DYSF: variants seen among roughly 807,000 people sequenced by gnomAD.
DYSF encodes the protein dysferlin, also known as dystrophy-associated fer-1-like 1.
A neutral mutation model predicts 274.9 loss-of-function variants in DYSF; 212 were observed. The ratio of observed to expected loss-of-function variants is 0.77; its 90% CI spans 0.69 to 0.86. The LOEUF is 0.86. Among genes scored for constraint, DYSF ranks in the 40% least tolerant of loss-of-function variants. The pLI is 0.00. For missense variants in DYSF, 2,666 were observed against 2,783.2 expected, an observed-to-expected ratio of 0.96 and a Z score of 0.95; for synonymous variants, 1,091 against 1,078.7, an observed-to-expected ratio of 1.01 and a Z score of -0.22.
chr2:71,660,160 C>G (rs1488895646), intron 44 of DYSF, among the ~76,000 whole-genome samples: 2 of 152,220 alleles, frequency 1.3e-5, no homozygotes, highest in East Asian at 3.9e-4. Flanking sequence ...GGAGACCTCC[C>G]TGGGCTAGCC....
At chr2:71,530,401 C>A (rs1301176565) in intron 14 of DYSF, among the ~76,000 whole-genome samples, 2 of 152,216 alleles carry the variant, frequency 1.3e-5, no homozygotes, top group Non-Finnish European at 2.9e-5. Flanking sequence ...GGGCTCCGGG[C>A]TGCTCCTGGG....
intron 30 of DYSF, among the ~76,000 whole-genome samples, chr2:71,581,440 G>A (rs924080435): frequency 6.6e-6 from 1 of 152,204 alleles, no homozygotes; most frequent in Non-Finnish European, 1.5e-5. Flanking sequence ...CCTGTGTTCC[G>A]TTCTGTCTTT....
chr2:71,508,259 G>A (rs1034595071), intron 4 of DYSF, among the ~76,000 whole-genome samples: 1 of 152,144 alleles, frequency 6.6e-6, no homozygotes, highest in African/African-American at 2.4e-5. Flanking sequence ...TTCTGAACTC[G>A]AGTGTGTGTT....
chr2:71,626,171 C>T (rs1050294743), intron 41 of DYSF, among the ~76,000 whole-genome samples: 1 of 151,810 alleles, frequency 6.6e-6, no homozygotes. Flanking sequence ...GAACCTTCAG[C>T]TGATGTTCTA....
intron 29 of DYSF, among the ~76,000 whole-genome samples, chr2:71,573,772 C>T (rs1007770759): frequency 2.2e-4 from 34 of 152,072 alleles, no homozygotes; most frequent in Admixed American, 2.0e-3. Context: ...TGGTTCTTCC[C>T]GCAGCCCATG....
chr2:71,630,900 G>C (rs1320378859), intron 41 of DYSF, among the ~76,000 whole-genome samples: 1 of 152,164 alleles, frequency 6.6e-6, no homozygotes, highest in African/African-American at 2.4e-5. Flanking sequence ...TCTTTCTCTG[G>C]ATTAATACAT....
intron 1 of DYSF, among the ~76,000 whole-genome samples, chr2:71,477,389 T>C (rs1347212164): frequency 3.3e-5 from 5 of 152,098 alleles, no homozygotes; most frequent in Admixed American, 3.3e-4. Context: ...GGAAAGTTCA[T>C]TGGGGTTCAT....
rs553579278 is a variant in DYSF, at chr2:71,506,780, T to G, written c.345+3461T>G. On this transcript the variant is annotated intron_variant, in intron 4 of 55. Coordinates refer to ENST00000410020, the MANE Select transcript of DYSF (RefSeq NM_001130987.2). The stretch of plus-strand genomic sequence containing the variant: ...AGCCAAAGAACTTCAGTATTCACCA[T>G]CAGATCCTGAAGCCATGGTCCCTGG... Among the ~76,000 whole-genome samples, 7 of 152,158 alleles carry G rather than the reference T, an allele frequency of 4.6e-5. No individual in the cohort carries two copies. The South Asian group carries it at 1.5e-3, about 32-fold the overall frequency.
chr2:71,683,356 G>C (rs970252707), intron 55 of DYSF, among the ~76,000 whole-genome samples: 1 of 152,130 alleles, frequency 6.6e-6, no homozygotes, highest in African/African-American at 2.4e-5. Flanking sequence ...GGCCCTGCCT[G>C]GGGGAGGAAG....
chr2:71,591,590 G>A (rs1156858655), intron 32 of DYSF, among the ~76,000 whole-genome samples: 1 of 152,260 alleles, frequency 6.6e-6, no homozygotes, highest in Non-Finnish European at 1.5e-5. Flanking sequence ...ACTCGGATAG[G>A]TTAACTAAAT....
chr2:71,469,186 C>T (rs2081779285), intron 1 of DYSF, among the ~76,000 whole-genome samples: 1 of 152,094 alleles, frequency 6.6e-6, no homozygotes, highest in African/African-American at 2.4e-5. Flanking sequence ...TTAATGCGCT[C>T]CCCATTGCGG....
chr2:71,682,189 T>A (rs1242246427), intron 54 of DYSF, among the ~76,000 whole-genome samples: 1 of 151,954 alleles, frequency 6.6e-6, no homozygotes, highest in African/African-American at 2.4e-5. Flanking sequence ...ACTGCCCAGC[T>A]CCTAAATCTG....
intron 30 of DYSF, among the ~76,000 whole-genome samples, chr2:71,575,615 G>A (rs902321743): frequency 7.2e-5 from 11 of 152,270 alleles, no homozygotes; most frequent in South Asian, 4.1e-4. Flanking sequence ...TGAGCACTGG[G>A]CAGGGGCTGG....
chr2:71,510,213 T>C (rs2085944334), intron 4 of DYSF, among the ~76,000 whole-genome samples: 1 of 152,186 alleles, frequency 6.6e-6, no homozygotes, highest in Admixed American at 6.5e-5. Context: ...CCAACTTACC[T>C]TTTGCTGAAG....
intron 32 of DYSF, among the ~76,000 whole-genome samples, chr2:71,590,799 A>T (rs571007540): frequency 6.6e-6 from 1 of 152,186 alleles, no homozygotes; most frequent in South Asian, 2.1e-4. Flanking sequence ...GCCATCTGTT[A>T]CCCAGGCTGG....
chr2:71,671,812 A>G (rs1288754067), intron 51 of DYSF, among the ~76,000 whole-genome samples: 1 of 152,162 alleles, frequency 6.6e-6, no homozygotes, highest in Non-Finnish European at 1.5e-5. Flanking sequence ...TCTCTGCATC[A>G]TAGGGCCTGG....
chr2:71,466,524 C>G (rs570242865), upstream of DYSF, among the ~76,000 whole-genome samples: 70 of 152,296 alleles, frequency 4.6e-4, no homozygotes, highest in Non-Finnish European at 8.2e-4. Context: ...CGCCTCGTTC[C>G]TGGCCGGGAG....
intron 12 of DYSF, among the ~76,000 whole-genome samples, chr2:71,523,375 G>T (rs2087510752): frequency 2.0e-5 from 3 of 152,156 alleles, no homozygotes; most frequent in Admixed American, 6.5e-5. Context: ...GGGAAATAAA[G>T]TCCATCCTAA....
intron 52 of DYSF, among the ~76,000 whole-genome samples, chr2:71,678,449 A>G (rs1463498284): frequency 6.6e-6 from 1 of 152,246 alleles, no homozygotes; most frequent in East Asian, 1.9e-4. Context: ...CAAATATTGT[A>G]TGATTCCACT....
Sources: gnomAD v4.1 joint callset for allele counts (sites outside exome capture counted in the v4.1 genomes callset) on GRCh38, gnomAD v4.1.1 for gene constraint, MANE v1.5 for transcripts, NCBI Gene and HGNC (gene_info 2026-07-23, HGNC 2026-07-21) for gene names.